The following VPS13B variants were observed in gnomAD, a reference collection of about 807,000 sequenced individuals.
VPS13B encodes the protein intermembrane lipid transfer protein VPS13B.
In VPS13B, 285 loss-of-function variants were observed where a neutral mutation model predicts 426.4. The observed-to-expected ratio is 0.67, with a 90% CI of 0.61 to 0.74. The LOEUF (loss-of-function observed/expected upper bound fraction) is 0.74, where lower values mean the gene tolerates loss of function less well. Ranked by LOEUF, VPS13B falls within the 30% of genes least tolerant of loss-of-function variation. VPS13B has a pLI of 0.00. For synonymous variants in VPS13B, 1,676 were observed against 1,676.4 expected (o/e 1.00, Z 0.01); for missense variants, 4,537 against 4,782.6 (o/e 0.95, Z 1.51).
rs1047942635 is a variant in VPS13B, at chr8:99,877,564, A to G, written c.*1898A>G. 3 of 152,330 alleles carry G rather than the reference A, an allele frequency of 2.0e-5. No individual in the cohort carries two copies. The highest frequency in any genetic ancestry group is 7.2e-5 in the African/African-American group (3 of 41,444). The allele number at this position is 152,330 out of a possible 1,614,324, so 9.4% of individuals were successfully genotyped here. ...TAATATACAGGTTTTGTTATAATAA[A>G]GTTACTGATTAAATTAGCTTTGAAT... is the stretch of plus-strand genomic sequence containing the variant. On this transcript the variant is annotated 3_prime_UTR_variant, in exon 62 of 62. Coordinates refer to ENST00000357162, the MANE Select transcript of VPS13B (RefSeq NM_152564.5).
intron 43 of VPS13B, among the ~76,000 whole-genome samples, chr8:99,793,254 C>CATATATATATATATACATATATATAT (rs1812646914): frequency 1.9e-5 from 2 of 107,032 alleles, no homozygotes; most frequent in Non-Finnish European, 3.8e-5. Flanking sequence ...TTGCCCTCTC[C>CATATATATATATATACATATATATAT]ATATATATAT....
chr8:99,823,802 C>T (rs1281321395), intron 50 of VPS13B, 30 bp from the exon 51 acceptor site: 1 of 1,608,640 alleles, frequency 6.2e-7, no homozygotes, highest in Non-Finnish European at 8.5e-7. Flanking sequence ...ACAGTATTGT[C>T]AAAATTATTT....
chr8:99,175,935 C>T (rs369857309), intron 16 of VPS13B, among the ~76,000 whole-genome samples: 4 of 152,140 alleles, frequency 2.6e-5, no homozygotes, highest in East Asian at 1.9e-4. Flanking sequence ...ATAATAATTT[C>T]GTAGCCACCT....
intron 54 of VPS13B, among the ~76,000 whole-genome samples, chr8:99,844,192 CT>C (rs1242480694): frequency 3.9e-5 from 6 of 152,118 alleles, no homozygotes; most frequent in African/African-American, 1.4e-4. Flanking sequence ...ATACCTCAGA[CT>C]GGTAGCTTAT....
intron 2 of VPS13B, among the ~76,000 whole-genome samples, chr8:99,018,067 G>T (rs1841708576): frequency 6.6e-6 from 1 of 152,046 alleles, no homozygotes; most frequent in African/African-American, 2.4e-5. Context: ...TTTTATGGAT[G>T]TTTAAGTAGC....
At chr8:99,478,731 G>A (rs572895452) in intron 24 of VPS13B, among the ~76,000 whole-genome samples, 1 of 151,432 alleles carries the variant, frequency 6.6e-6, no homozygotes, top group African/African-American at 2.4e-5. Flanking sequence ...TTACAGGCAT[G>A]AGCCACCACA....
intron 30 of VPS13B, among the ~76,000 whole-genome samples, chr8:99,531,978 A>G (rs993527375): frequency 1.3e-5 from 2 of 152,140 alleles, no homozygotes; most frequent in African/African-American, 4.8e-5. Context: ...CATTTGTTAT[A>G]ACAGAACTTT....
At chr8:99,387,229 T>C (rs1431760605) in intron 20 of VPS13B, among the ~76,000 whole-genome samples, 1 of 152,118 alleles carries the variant, frequency 6.6e-6, no homozygotes, top group Admixed American at 6.5e-5. Flanking sequence ...CCTTTTTCTT[T>C]TTTTTCCACA....
At chr8:99,306,051 G>A (rs1163268882) in intron 19 of VPS13B, among the ~76,000 whole-genome samples, 4 of 152,076 alleles carry the variant, frequency 2.6e-5, no homozygotes, top group South Asian at 2.1e-4. Flanking sequence ...AAAAGTTTTC[G>A]CTTATGTTTG....
intron 23 of VPS13B, 131 bp from the exon 24 acceptor site, chr8:99,467,283 G>T (rs1051118154): frequency 1.0e-6 from 1 of 958,324 alleles, no homozygotes. Context: ...GTGGTCTCAG[G>T]AATACTATAT....
chr8:99,222,023 C>T (rs1359202194), intron 17 of VPS13B, among the ~76,000 whole-genome samples: 2 of 152,186 alleles, frequency 1.3e-5, no homozygotes, highest in Non-Finnish European at 2.9e-5. Context: ...TTATCTACTG[C>T]TCTTGGCTCT....
At chr8:99,520,084 T>A (rs1822293454) in intron 29 of VPS13B, among the ~76,000 whole-genome samples, 1 of 152,148 alleles carries the variant, frequency 6.6e-6, no homozygotes, top group Admixed American at 6.5e-5. Context: ...GAGCATACAG[T>A]CAAATATCAT....
chr8:99,177,255 G>C (rs1010823064), intron 16 of VPS13B, among the ~76,000 whole-genome samples: 1 of 152,122 alleles, frequency 6.6e-6, no homozygotes, highest in Non-Finnish European at 1.5e-5. Flanking sequence ...TCCTATGATA[G>C]GGGCACTGCA....
At chr8:99,290,181 C>T (rs1050673299) in intron 19 of VPS13B, among the ~76,000 whole-genome samples, 4 of 151,946 alleles carry the variant, frequency 2.6e-5, no homozygotes, top group African/African-American at 7.3e-5. Flanking sequence ...TTGATGGAGA[C>T]GTACAGGTAA....
rs763703607 is a variant in VPS13B at position 99,641,968 on chromosome 8, G to A, written c.5378G>A (p.Arg1793His). The change falls in exon 34 of 62, where the codon CGC becomes CAC. Residue 1793 changes from arginine (R) to histidine (H), a missense_variant. By Grantham distance (29) the Arg-to-His change is conservative (BLOSUM62 0). Transcript: ENST00000357162. ...CAGCACAGTGGTGCCAGTCAGCATC[G>A]CATTGCCCGTCCCTCACGCCAGTCA... ...IEQHSGASQH[R>H]IARPSRQSSI... The A allele has an allele frequency of 2.0e-5, 33 of 1,613,928 alleles. No homozygotes were observed. Among genetic ancestry groups the A allele is most frequent in the Admixed American group, 1.3e-4 (8 of 59,968 alleles).
chr8:99,381,651 G>A (rs1049138024), intron 19 of VPS13B, among the ~76,000 whole-genome samples: 1 of 152,018 alleles, frequency 6.6e-6, no homozygotes, highest in Non-Finnish European at 1.5e-5. Context: ...TTTCTCTAAT[G>A]ATCAATGATG....
Position 99,661,339 on chromosome 8 carries a change from A to G in VPS13B, c.5909-15A>G. On this transcript the variant is annotated splice_polypyrimidine_tract_variant and intron_variant, in intron 34 of 61. Coordinates refer to ENST00000357162, the MANE Select transcript of VPS13B (RefSeq NM_152564.5). ...GATGTAACTGATGTTTTTAATTTCA[A>G]TTTTGTCACTTTAGATCCTGGGAAG... 3 of 1,613,374 alleles carry G rather than the reference A, an allele frequency of 1.9e-6. No individual in the cohort carries two copies. The highest frequency in any genetic ancestry group is 2.5e-6 in the Non-Finnish European group (3 of 1,179,662).
intron 17 of VPS13B, among the ~76,000 whole-genome samples, chr8:99,271,693 C>T (rs918248937): frequency 2.6e-5 from 4 of 152,182 alleles, no homozygotes; most frequent in South Asian, 2.1e-4. Flanking sequence ...TGGCAGAATG[C>T]GAAGGGGAAG....
At chr8:99,040,979 T>C (rs1842941981) in intron 3 of VPS13B, among the ~76,000 whole-genome samples, 1 of 152,166 alleles carries the variant, frequency 6.6e-6, no homozygotes, top group African/African-American at 2.4e-5. Flanking sequence ...CTGAAAAGCA[T>C]TGCTAAAATA....
Sources: gnomAD v4.1 joint callset for allele counts (sites outside exome capture counted in the v4.1 genomes callset) on GRCh38, gnomAD v4.1.1 for gene constraint, MANE v1.5 for transcripts, NCBI Gene and HGNC (gene_info 2026-07-23, HGNC 2026-07-21) for gene names.